Variants in WDFY2 observed in about 807,000 individuals in gnomAD.
The protein encoded by WDFY2 is WD repeat and FYVE domain-containing protein 2.
WDFY2 carries 36 observed loss-of-function variants against 56.4 expected under a neutral mutation model. That is an observed-to-expected ratio of 0.64 (90% confidence interval 0.49 to 0.84). The LOEUF is 0.84. Ranked by LOEUF, WDFY2 falls within the 40% of genes least tolerant of loss-of-function variation. The probability of loss-of-function intolerance (pLI) is 0.00; values close to 1 mark genes in which losing one functional copy is unlikely to be tolerated. For missense variants in WDFY2, 444 were observed against 512.2 expected, an observed-to-expected ratio of 0.87 and a Z score of 1.29; for synonymous variants, 176 against 183.7, an observed-to-expected ratio of 0.96 and a Z score of 0.34.
intron 3 of WDFY2, among the ~76,000 whole-genome samples, chr13:51,679,131 A>T (rs1955936372): frequency 6.6e-6 from 1 of 152,220 alleles, no homozygotes; most frequent in African/African-American, 2.4e-5. Flanking sequence ...TGTAACGTAA[A>T]GGTACTGGAT....
rs200375827 is a variant in WDFY2, at chr13:51,672,285, C to T, written c.206-2885C>T. On this transcript the variant is annotated intron_variant, in intron 2 of 11. Transcript: ENST00000298125. ...ACATGTGGCTTGCCAATTATCCCAG[C>T]GCTGTTTGTCGAATAGGGTGTCCTT... 3.3e-5 allele frequency among the ~76,000 whole-genome samples: 5 copies of T among 152,288 alleles called. No homozygotes were observed. The South Asian group carries it at 6.2e-4, about 19-fold the overall frequency.
At chr13:51,722,697 C>T (rs1380602380) in intron 5 of WDFY2, among the ~76,000 whole-genome samples, 5 of 152,160 alleles carry the variant, frequency 3.3e-5, no homozygotes, top group African/African-American at 7.2e-5. Flanking sequence ...AACTGTTAGC[C>T]GGCAGAACCA....
chr13:51,624,239 A>G (rs1022929716), intron 1 of WDFY2, among the ~76,000 whole-genome samples: 4 of 152,170 alleles, frequency 2.6e-5, no homozygotes, highest in Admixed American at 6.5e-5. Flanking sequence ...TTCTAACCCT[A>G]TGTCTCAGGT....
chr13:51,687,310 A>G (rs1956077839), intron 3 of WDFY2, among the ~76,000 whole-genome samples: 1 of 151,982 alleles, frequency 6.6e-6, no homozygotes, highest in South Asian at 2.1e-4. Flanking sequence ...TGTTGCATTT[A>G]CTAATCTCTT....
chr13:51,653,227 A>G (rs1955436706), intron 1 of WDFY2, among the ~76,000 whole-genome samples: 1 of 152,148 alleles, frequency 6.6e-6, no homozygotes, highest in African/African-American at 2.4e-5. Context: ...TTTGTCACGT[A>G]GTTCTCGTGC....
chr13:51,690,467 T>C (rs1384121813), intron 3 of WDFY2, among the ~76,000 whole-genome samples: 2 of 151,648 alleles, frequency 1.3e-5, no homozygotes, highest in African/African-American at 2.4e-5. Flanking sequence ...GTTCTTGTGA[T>C]AGTTTACTGA....
At position 51,740,364 on chromosome 13, in the gene WDFY2, G is replaced by T. The variant is rs973754722; in HGVS notation, c.725+1189G>T. ...TCCCTTACGTTTATCTTTATGACAAGGGAACACACATCCAGGTCCTGTAGA... is the reference window on the plus strand; with the variant it reads ...TCCCTTACGTTTATCTTTATGACAATGGAACACACATCCAGGTCCTGTAGA... On this transcript the variant is annotated intron_variant, in intron 7 of 11. Coordinates refer to ENST00000298125, the MANE Select transcript of WDFY2 (RefSeq NM_052950.4). Among the ~76,000 whole-genome samples, 6 of 152,170 alleles carry T rather than the reference G, an allele frequency of 3.9e-5. No individual in the cohort carries two copies. The East Asian group carries it at 1.2e-3, about 29-fold the overall frequency.
intron 2 of WDFY2, among the ~76,000 whole-genome samples, chr13:51,670,002 C>G (rs1021776705): frequency 1.3e-5 from 2 of 152,178 alleles, no homozygotes; most frequent in African/African-American, 4.8e-5. Context: ...GCACTTCACT[C>G]ACCCTTTGGA....
At chr13:51,612,209 G>T (rs1020603873) in intron 1 of WDFY2, among the ~76,000 whole-genome samples, 8 of 152,218 alleles carry the variant, frequency 5.3e-5, no homozygotes, top group African/African-American at 1.9e-4. Context: ...GACACATACT[G>T]ATTTCTAGTC....
At chr13:51,745,967 CT>C (rs1010297657) in intron 7 of WDFY2, among the ~76,000 whole-genome samples, 7 of 127,868 alleles carry the variant, frequency 5.5e-5, no homozygotes, top group African/African-American at 2.0e-4. Flanking sequence ...TTTTCTTTTT[CT>C]TTTTCTTTTT....
At chr13:51,654,820 G>C (rs1414412153) in intron 1 of WDFY2, among the ~76,000 whole-genome samples, 2 of 152,036 alleles carry the variant, frequency 1.3e-5, no homozygotes, top group East Asian at 3.9e-4. Context: ...TACCTCAGGA[G>C]ATAAGAGAAC....
intron 2 of WDFY2, among the ~76,000 whole-genome samples, chr13:51,674,825 TG>T (rs1242751686): frequency 4.6e-5 from 7 of 151,998 alleles, no homozygotes; most frequent in Non-Finnish European, 8.8e-5. Flanking sequence ...GGAATTGGAG[TG>T]GTACAGAGAG....
chr13:51,669,604 G>T (rs574877680), intron 2 of WDFY2, among the ~76,000 whole-genome samples: 1 of 152,246 alleles, frequency 6.6e-6, no homozygotes, highest in East Asian at 1.9e-4. Context: ...TAACATGGAA[G>T]ATGAGTCCTG....
At chr13:51,614,153 C>G (rs1593879539) in intron 1 of WDFY2, among the ~76,000 whole-genome samples, 1 of 148,110 alleles carries the variant, frequency 6.8e-6, no homozygotes, top group South Asian at 2.1e-4. Context: ...GCCACTGCAC[C>G]CCAGCCTGGG....
intron 2 of WDFY2, among the ~76,000 whole-genome samples, chr13:51,661,772 G>C (rs886108346): frequency 6.6e-6 from 1 of 152,082 alleles, no homozygotes; most frequent in Non-Finnish European, 1.5e-5. Flanking sequence ...AGTATTCAAC[G>C]CTTTTTTTGG....
chr13:51,755,312 C>G (rs774537682), intron 8 of WDFY2, 46 bp from the exon 9 acceptor site: 2 of 1,587,578 alleles, frequency 1.3e-6, no homozygotes, highest in African/African-American at 2.7e-5. Context: ...TTTCCATTGT[C>G]CTGACTGCTG....
At chr13:51,684,338 A>T (rs1307035989) in intron 3 of WDFY2, among the ~76,000 whole-genome samples, 1 of 151,178 alleles carries the variant, frequency 6.6e-6, no homozygotes, top group African/African-American at 2.4e-5. Flanking sequence ...CTTCTAGTGG[A>T]TTGAGTCATA....
At chr13:51,751,536 A>G in intron 8 of WDFY2, 121 bp downstream of exon 8, 1 of 968,646 alleles carries the variant, frequency 1.0e-6, no homozygotes, top group East Asian at 2.7e-5. Flanking sequence ...AAAGAATTGT[A>G]GCATAAAAGG....
Position 51,764,170 on chromosome 13 carries a change from T to G in WDFY2, c.*4401T>G, listed in dbSNP as rs1278014987. Reference sequence around the variant, plus strand: ...GATCCCTGAGATTTGAATGTTCATGTCAACCGTGTTGAGCGCTCACCAGCC... The same window carrying G: ...GATCCCTGAGATTTGAATGTTCATGGCAACCGTGTTGAGCGCTCACCAGCC... On this transcript the variant is annotated 3_prime_UTR_variant, in exon 12 of 12. Transcript: ENST00000298125. The G allele has an allele frequency of 6.6e-6, 1 of 152,226 alleles. No homozygotes were observed. Among genetic ancestry groups the G allele is most frequent in the African/African-American group, 2.4e-5 (1 of 41,460 alleles). 9.4% of individuals were successfully genotyped at this position (152,226 alleles called of 1,614,324 possible).
Sources: allele counts gnomAD v4.1 joint callset (sites outside exome capture counted in the v4.1 genomes callset), GRCh38; gene constraint gnomAD v4.1.1; transcripts MANE v1.5; gene names NCBI Gene and HGNC (gene_info 2026-07-23, HGNC 2026-07-21).